Variants in UST observed in about 807,000 individuals in gnomAD.
UST encodes the protein uronyl 2-sulfotransferase.
A neutral mutation model predicts 45.6 loss-of-function variants in UST; 21 were observed. The observed-to-expected ratio is 0.46, with a 90% CI of 0.33 to 0.66. The LOEUF (loss-of-function observed/expected upper bound fraction) is 0.66, where lower values mean the gene tolerates loss of function less well. Ranked by LOEUF, UST falls within the 30% of genes least tolerant of loss-of-function variation. The pLI, the probability that UST is intolerant of heterozygous loss-of-function variation, is 0.02. For synonymous variants in UST, 215 were observed against 200.6 expected, an observed-to-expected ratio of 1.07 and a Z score of -0.61; for missense variants, 463 against 512.4, an observed-to-expected ratio of 0.90 and a Z score of 0.93.
chr6:148,852,577 C>T (rs1175912719), intron 1 of UST, among the ~76,000 whole-genome samples: 1 of 152,156 alleles, frequency 6.6e-6, no homozygotes, highest in Non-Finnish European at 1.5e-5. Context: ...TCATAATCCT[C>T]AGAGATCTGG....
At chr6:148,956,461 A>C (rs766808004) in intron 4 of UST, among the ~76,000 whole-genome samples, 1 of 152,228 alleles carries the variant, frequency 6.6e-6, no homozygotes, top group Non-Finnish European at 1.5e-5. Flanking sequence ...CCACGAGAAC[A>C]GTATGGGGGA....
intron 2 of UST, among the ~76,000 whole-genome samples, chr6:148,918,466 T>A (rs1383118779): frequency 6.6e-6 from 1 of 152,264 alleles, no homozygotes; most frequent in Admixed American, 6.5e-5. Context: ...TGAATTTGTC[T>A]GCAGACAATG....
intron 4 of UST, among the ~76,000 whole-genome samples, chr6:148,955,469 T>C (rs749226674): frequency 1.8e-4 from 27 of 152,246 alleles, no homozygotes; most frequent in Non-Finnish European, 2.2e-4. Context: ...CCAGAGTTCC[T>C]GGGATGGTAA....
Position 148,964,652 on chromosome 6 carries a change from C to T in UST, c.681+89C>T, listed in dbSNP as rs1010748690. 4 of 1,534,708 alleles carry T rather than the reference C, an allele frequency of 2.6e-6. No individual in the cohort carries two copies. In the African/African-American group the frequency reaches 5.5e-5, roughly 21 times the overall value. Reference sequence around the variant, plus strand: ...GAAGGTTCACTCTTCCCTTCCCAGGCCTTCTCCTTGGCGCCTCCATGGAGC... The same window carrying T: ...GAAGGTTCACTCTTCCCTTCCCAGGTCTTCTCCTTGGCGCCTCCATGGAGC... On this transcript the variant is annotated intron_variant, in intron 5 of 7. Transcript: ENST00000367463.
rs545329536 is a variant in UST at position 148,854,694 on chromosome 6, T to G, written c.248-32292T>G. Among the ~76,000 whole-genome samples the G allele has an allele frequency of 5.3e-5, 8 of 152,248 alleles. No homozygotes were observed. In the East Asian group the frequency reaches 1.2e-3, roughly 22 times the overall value. ...AGGATAGCTGGGGGAGGGCTGAGCT[T>G]CTATTTCCTGATGAATTGAAGTTCA... is the stretch of plus-strand genomic sequence containing the variant. On this transcript the variant is annotated intron_variant, in intron 1 of 7. Coordinates refer to ENST00000367463, the MANE Select transcript of UST (RefSeq NM_005715.3).
chr6:148,994,914 C>T (rs909233945), intron 5 of UST, among the ~76,000 whole-genome samples: 1 of 152,208 alleles, frequency 6.6e-6, no homozygotes, highest in Non-Finnish European at 1.5e-5. Flanking sequence ...CTCAAAGTGC[C>T]TGTTCACCCC....
intron 5 of UST, among the ~76,000 whole-genome samples, chr6:149,015,029 G>A (rs1380320218): frequency 6.6e-6 from 1 of 152,058 alleles, no homozygotes; most frequent in Non-Finnish European, 1.5e-5. Context: ...GGGGTGAAGA[G>A]GGGGTGTGGG....
At chr6:148,871,453 C>T (rs930894685) in intron 1 of UST, among the ~76,000 whole-genome samples, 10 of 152,154 alleles carry the variant, frequency 6.6e-5, no homozygotes, top group Non-Finnish European at 1.5e-4. Context: ...GATTTCTACC[C>T]GTCACCTGTC....
At chr6:148,801,075 T>A (rs1777050681) in intron 1 of UST, among the ~76,000 whole-genome samples, 1 of 152,160 alleles carries the variant, frequency 6.6e-6, no homozygotes, top group South Asian at 2.1e-4. Context: ...GTGAGGTTGA[T>A]CAGGAGTGAA....
At chr6:148,784,984 C>T (rs1269637700) in intron 1 of UST, among the ~76,000 whole-genome samples, 1 of 152,216 alleles carries the variant, frequency 6.6e-6, no homozygotes, top group South Asian at 2.1e-4. Context: ...CTGAGGCAGC[C>T]GGATTGCCTG....
intron 1 of UST, among the ~76,000 whole-genome samples, chr6:148,864,305 G>T (rs1404499703): frequency 2.6e-5 from 4 of 152,238 alleles, no homozygotes; most frequent in African/African-American, 9.6e-5. Context: ...CTCCGAGCCA[G>T]GCGTGGGATG....
chr6:148,835,533 G>A (rs1038028723), intron 1 of UST, among the ~76,000 whole-genome samples: 1 of 152,128 alleles, frequency 6.6e-6, no homozygotes, highest in Non-Finnish European at 1.5e-5. Context: ...GTCTTGGCTT[G>A]TTAAGGTTTA....
chr6:148,854,670 G>A (rs1212994018), intron 1 of UST, among the ~76,000 whole-genome samples: 1 of 152,088 alleles, frequency 6.6e-6, no homozygotes, highest in Non-Finnish European at 1.5e-5. Context: ...GAAGGAGCAA[G>A]GATAGCTGGG....
intron 7 of UST, 51 bp downstream of exon 7, chr6:149,021,532 G>A (rs758112545): frequency 6.3e-7 from 1 of 1,592,614 alleles, no homozygotes. Flanking sequence ...TGTGTCCAGG[G>A]CTACTCACCT....
At chr6:148,826,826 CT>C (rs1315969430) in intron 1 of UST, among the ~76,000 whole-genome samples, 8 of 152,160 alleles carry the variant, frequency 5.3e-5, no homozygotes, top group Non-Finnish European at 8.8e-5. Context: ...CTCATGCCCC[CT>C]AATACCATCT....
chr6:148,774,989 GC>G (rs1776503180), intron 1 of UST, among the ~76,000 whole-genome samples: 1 of 151,998 alleles, frequency 6.6e-6, no homozygotes, highest in African/African-American at 2.4e-5. Flanking sequence ...CTACACTCCA[GC>G]CTGGAGTCTG....
intron 5 of UST, among the ~76,000 whole-genome samples, chr6:149,010,371 T>C (rs1023225634): frequency 4.6e-5 from 7 of 152,114 alleles, no homozygotes; most frequent in Non-Finnish European, 1.0e-4. Context: ...CCCTTGAACC[T>C]CAAAGACCGC....
chr6:148,765,866 G>T (rs1248071162), intron 1 of UST, among the ~76,000 whole-genome samples: 1 of 152,134 alleles, frequency 6.6e-6, no homozygotes, highest in African/African-American at 2.4e-5. Context: ...AATTGCTCTG[G>T]CTAGGACTTC....
intron 5 of UST, among the ~76,000 whole-genome samples, chr6:148,995,205 A>G (rs1488763778): frequency 2.0e-5 from 3 of 152,134 alleles, no homozygotes; most frequent in Admixed American, 2.0e-4. Context: ...TTGTATTTTT[A>G]GCAGAGTTGG....
Sources: gnomAD v4.1 joint callset for allele counts (sites outside exome capture counted in the v4.1 genomes callset) on GRCh38, gnomAD v4.1.1 for gene constraint, MANE v1.5 for transcripts, NCBI Gene and HGNC (gene_info 2026-07-23, HGNC 2026-07-21) for gene names.